Variants in STK33 observed in about 807,000 individuals in gnomAD.
STK33 encodes the protein serine/threonine-protein kinase 33.
STK33 carries 52 observed loss-of-function variants against 58.0 expected under a neutral mutation model. That is an observed-to-expected ratio of 0.90 (90% CI 0.72 to 1.13). The LOEUF (loss-of-function observed/expected upper bound fraction) is 1.13, where lower values mean the gene tolerates loss of function less well. STK33 is among the 50% of genes most tolerant of loss of function. The probability of loss-of-function intolerance (pLI) is 0.00; values close to 1 mark genes in which losing one functional copy is unlikely to be tolerated. For missense variants in STK33, 630 were observed against 604.2 expected (o/e 1.04, Z -0.45); for synonymous variants, 215 against 200.1 (o/e 1.07, Z -0.63).
At chr11:8,381,367 G>C in the STK33 span, among the ~76,000 whole-genome samples, 1 of 152,142 alleles carries the variant, frequency 6.6e-6, no homozygotes, top group Non-Finnish European at 1.5e-5. Context: ...TCTGTCAGCC[G>C]AGAGTCTCCT....
chr11:8,370,279 C>T, the STK33 span, among the ~76,000 whole-genome samples: 1 of 152,060 alleles, frequency 6.6e-6, no homozygotes, highest in African/African-American at 2.4e-5. Context: ...CTCACTGCAG[C>T]CTCCAACTCC....
chr11:8,469,922 G>A (rs1948612049), intron 6 of STK33, among the ~76,000 whole-genome samples: 1 of 152,252 alleles, frequency 6.6e-6, no homozygotes, highest in Admixed American at 6.5e-5. Flanking sequence ...CATGCTGTAA[G>A]CAAAGGTGCT....
the STK33 span, among the ~76,000 whole-genome samples, chr11:8,386,687 G>A: frequency 7.2e-5 from 11 of 152,180 alleles, no homozygotes; most frequent in Non-Finnish European, 1.6e-4. Flanking sequence ...GAACCAGGAC[G>A]GTGTCAATGT....
chr11:8,494,811 C>A (rs543623122), intron 1 of STK33, among the ~76,000 whole-genome samples: 1 of 152,180 alleles, frequency 6.6e-6, no homozygotes, highest in African/African-American at 2.4e-5. Flanking sequence ...ACCATCTGAT[C>A]TTTGACAAAC....
At chr11:8,529,578 T>G (rs1451350095) in intron 1 of STK33, among the ~76,000 whole-genome samples, 1 of 151,960 alleles carries the variant, frequency 6.6e-6, no homozygotes, top group Non-Finnish European at 1.5e-5. Context: ...GGCAAAAAGC[T>G]GTTGTTGATG....
intron 1 of STK33, among the ~76,000 whole-genome samples, chr11:8,515,146 A>C (rs575471303): frequency 6.6e-6 from 1 of 152,164 alleles, no homozygotes; most frequent in Non-Finnish European, 1.5e-5. Context: ...CAAGAGACAT[A>C]TGGAATAAAC....
In STK33 at chr11:8,392,644, A is replaced by C. The variant is rs1223071671; in HGVS notation, c.1411T>G (p.Phe471Val). 1.2e-6 allele frequency: 2 copies of C among 1,614,066 alleles called. No homozygotes were observed. The highest frequency in any genetic ancestry group is 4.5e-5 in the East Asian group (2 of 44,896). ...KDNFDMCSSS[F>V]TSSKLLPAEI... Reference sequence around the variant, plus strand: ...GCTGGAAGGAGTTTGCTAGATGTGAAACTTGAACTGCACATATCAAAGTTG... The same window carrying C: ...GCTGGAAGGAGTTTGCTAGATGTGACACTTGAACTGCACATATCAAAGTTG... The change falls in exon 16 of 16, where the codon TTC becomes GTC. Residue 471 changes from phenylalanine (F) to valine (V), a missense_variant. Phe to Val is a conservative substitution (Grantham distance 50). Coordinates refer to ENST00000687296, the MANE Select transcript of STK33 (RefSeq NM_001352389.2).
At chr11:8,524,473 C>T (rs943921934) in intron 1 of STK33, among the ~76,000 whole-genome samples, 1 of 151,942 alleles carries the variant, frequency 6.6e-6, no homozygotes, top group African/African-American at 2.4e-5. Flanking sequence ...ATTAAATAGG[C>T]TTTTATCAAA....
Position 8,540,959 on chromosome 11 carries a change from T to C in STK33, c.-466+53124A>G, listed in dbSNP as rs529606756. Among the ~76,000 whole-genome samples, 340 of 146,000 alleles carry C rather than the reference T, an allele frequency of 2.3e-3. 3 individuals carry two copies. The highest frequency in any genetic ancestry group is 8.3e-3 in the African/African-American group (321 of 38,636). Reference sequence around the variant, plus strand: ...TGAATCGGCTTCACTATACTACCCATCTTACTATCTCTCTCTCTCTCTCTC... The same window carrying C: ...TGAATCGGCTTCACTATACTACCCACCTTACTATCTCTCTCTCTCTCTCTC... On this transcript the variant is annotated intron_variant, in intron 1 of 15. Transcript: ENST00000687296.
chr11:8,381,157 C>A, the STK33 span, among the ~76,000 whole-genome samples: 1 of 152,072 alleles, frequency 6.6e-6, no homozygotes, highest in Non-Finnish European at 1.5e-5. Context: ...ATATTGGGTA[C>A]AATGTACACT....
chr11:8,493,267 C>T (rs932292452), intron 1 of STK33, among the ~76,000 whole-genome samples: 1 of 151,990 alleles, frequency 6.6e-6, no homozygotes, highest in African/African-American at 2.4e-5. Flanking sequence ...AAGGGGATAG[C>T]ACCACCGATG....
At chr11:8,387,786 C>T (rs1848564455), downstream of STK33, among the ~76,000 whole-genome samples, 2 of 152,152 alleles carry the variant, frequency 1.3e-5, no homozygotes, top group Non-Finnish European at 2.9e-5. Context: ...AGTTGCTCTC[C>T]ATCTTCCACC....
At chr11:8,528,584 T>C (rs1465603077) in intron 1 of STK33, among the ~76,000 whole-genome samples, 2 of 152,220 alleles carry the variant, frequency 1.3e-5, no homozygotes, top group East Asian at 1.9e-4. Flanking sequence ...CTATCAGTAA[T>C]CTTGAACCCA....
chr11:8,448,222 G>C (rs1333317579), intron 11 of STK33, among the ~76,000 whole-genome samples: 2 of 152,254 alleles, frequency 1.3e-5, no homozygotes, highest in East Asian at 1.9e-4. Flanking sequence ...GTAATTTATA[G>C]ATTCAATGCC....
rs764375132 is a variant in STK33 at position 8,392,715 on chromosome 11, A to G, written c.1345-5T>C. ...TTGCTTTTCATAAGCAGTAGACTGC[A>G]AATAAAAGGTCTTGATTAATTTTCA... On this transcript the variant is annotated splice_polypyrimidine_tract_variant and splice_region_variant and intron_variant, in intron 15 of 15. Transcript: ENST00000687296. 1 of 1,614,024 alleles carries G rather than the reference A, an allele frequency of 6.2e-7. No homozygotes were observed. Among genetic ancestry groups the G allele is most frequent in the Admixed American group, 1.7e-5 (1 of 60,004 alleles).
At chr11:8,562,604 G>A (rs1031174116) in intron 1 of STK33, among the ~76,000 whole-genome samples, 2 of 152,020 alleles carry the variant, frequency 1.3e-5, no homozygotes, top group African/African-American at 4.8e-5. Flanking sequence ...CCATTTCCTA[G>A]TTTCACAGAT....
the STK33 span, among the ~76,000 whole-genome samples, chr11:8,357,680 C>T: frequency 3.4e-4 from 51 of 152,120 alleles, no homozygotes; most frequent in Admixed American, 3.3e-3. Context: ...CACACCCCTC[C>T]CCACTAGGAG....
At chr11:8,452,696 G>C in intron 11 of STK33, 126 bp downstream of exon 11, 3 of 731,340 alleles carry the variant, frequency 4.1e-6, no homozygotes, top group South Asian at 1.7e-5. Flanking sequence ...GCTGAGGTGG[G>C]GGGATGGCTT....
At chr11:8,583,621 C>T (rs1410279391) in intron 1 of STK33, among the ~76,000 whole-genome samples, 2 of 152,064 alleles carry the variant, frequency 1.3e-5, no homozygotes, top group Non-Finnish European at 2.9e-5. Context: ...AGTCCACAGC[C>T]TAAATTATCT....
Sources: allele counts gnomAD v4.1 joint callset (sites outside exome capture counted in the v4.1 genomes callset), GRCh38; gene constraint gnomAD v4.1.1; transcripts MANE v1.5; gene names NCBI Gene and HGNC (gene_info 2026-07-23, HGNC 2026-07-21).